FHIT: variants seen among roughly 807,000 people sequenced by gnomAD.
FHIT encodes the protein bis(5'-adenosyl)-triphosphatase.
A neutral mutation model predicts 17.9 loss-of-function variants in FHIT; 19 were observed. The ratio of observed to expected loss-of-function variants is 1.06; its 90% CI spans 0.74 to 1.56. The LOEUF is 1.56. FHIT is among the 40% of genes most tolerant of loss of function. The pLI is 0.00. For missense variants in FHIT, 248 were observed against 189.2 expected (o/e 1.31, Z -1.82); for synonymous variants, 81 against 69.7 (o/e 1.16, Z -0.81).
chr3:60,377,498 G>C (rs111761973), intron 5 of FHIT, among the ~76,000 whole-genome samples: 1 of 79,632 alleles, frequency 1.3e-5, no homozygotes, highest in African/African-American at 5.0e-5. Flanking sequence ...TTTTTGAGAC[G>C]GAGTCTCGCT....
rs553777254 is a variant in FHIT at position 59,983,976 on chromosome 3, G to A, written c.279+27395C>T. Among the ~76,000 whole-genome samples, 7 of 152,120 alleles carry A rather than the reference G, an allele frequency of 4.6e-5. No homozygotes were observed. The South Asian group carries it at 1.0e-3, about 23-fold the overall frequency. ...GATAGGGCAAAGAACATATATTTAC[G>A]AATTATAACCAAGTCTAAATTGTAT... On this transcript the variant is annotated intron_variant, in intron 7 of 9. Coordinates refer to ENST00000492590, the MANE Select transcript of FHIT (RefSeq NM_002012.4).
At chr3:59,787,166 C>A (rs1226035564) in intron 8 of FHIT, among the ~76,000 whole-genome samples, 1 of 152,124 alleles carries the variant, frequency 6.6e-6, no homozygotes, top group East Asian at 1.9e-4. Context: ...TGTTGAAAAA[C>A]TGAGAGTCAG....
intron 5 of FHIT, among the ~76,000 whole-genome samples, chr3:60,041,430 T>C (rs1336382332): frequency 6.6e-6 from 1 of 152,208 alleles, no homozygotes; most frequent in Non-Finnish European, 1.5e-5. Flanking sequence ...AGTATAGCAA[T>C]GCCCTGAATA....
chr3:60,568,905 C>T (rs190823157), intron 4 of FHIT, among the ~76,000 whole-genome samples: 1 of 151,960 alleles, frequency 6.6e-6, no homozygotes, highest in South Asian at 2.1e-4. Flanking sequence ...AGTCACCATA[C>T]CATTTTGGGG....
intron 3 of FHIT, among the ~76,000 whole-genome samples, chr3:60,842,647 T>TATATATATATATATATATA (rs1406123749): frequency 6.5e-5 from 6 of 92,488 alleles, no homozygotes; most frequent in African/African-American, 2.3e-4. Flanking sequence ...ATATATATAT[T>TATATATATATATATATATA]TTTTTTTTTT....
intron 4 of FHIT, among the ~76,000 whole-genome samples, chr3:60,801,191 C>T (rs922949438): frequency 1.4e-4 from 22 of 152,148 alleles, no homozygotes; most frequent in African/African-American, 5.3e-4. Flanking sequence ...ATTATTTATC[C>T]ACCAACTCCC....
At chr3:60,719,103 C>T (rs986133077) in intron 4 of FHIT, among the ~76,000 whole-genome samples, 1 of 152,184 alleles carries the variant, frequency 6.6e-6, no homozygotes. Context: ...CTTAGCCTCT[C>T]TCCATTGGCC....
chr3:60,773,440 A>G (rs935727205), intron 4 of FHIT, among the ~76,000 whole-genome samples: 3 of 152,186 alleles, frequency 2.0e-5, no homozygotes, highest in African/African-American at 4.8e-5. Context: ...TTCCTTGTTC[A>G]TTGCATTAGT....
chr3:60,476,617 T>G (rs1364461632), intron 5 of FHIT, among the ~76,000 whole-genome samples: 1 of 152,102 alleles, frequency 6.6e-6, no homozygotes, highest in Non-Finnish European at 1.5e-5. Flanking sequence ...GGAGGGGTAT[T>G]CAAGGAGAGG....
At chr3:60,955,234 A>C (rs1709059077) in intron 3 of FHIT, among the ~76,000 whole-genome samples, 1 of 152,116 alleles carries the variant, frequency 6.6e-6, no homozygotes. Flanking sequence ...AGTGAAAAGG[A>C]AGGAACTACG....
At chr3:60,785,224 T>C (rs958248151) in intron 4 of FHIT, among the ~76,000 whole-genome samples, 9 of 152,220 alleles carry the variant, frequency 5.9e-5, no homozygotes, top group Non-Finnish European at 1.3e-4. Flanking sequence ...GACAGAGTTA[T>C]AGTCCAGAGG....
intron 8 of FHIT, among the ~76,000 whole-genome samples, chr3:59,763,048 G>A (rs770393545): frequency 3.3e-5 from 5 of 152,026 alleles, no homozygotes; most frequent in Non-Finnish European, 5.9e-5. Flanking sequence ...TTTCCCCCCC[G>A]CCGGTGTTTC....
rs764398927 is a variant in FHIT at position 60,500,522 on chromosome 3, C to A, written c.103+36338G>T. On this transcript the variant is annotated intron_variant, in intron 5 of 9. Coordinates refer to ENST00000492590, the MANE Select transcript of FHIT (RefSeq NM_002012.4). ...CGGTGGCTCACGCCTGTAATCCCAG[C>A]ACTTTAGGAGGCCAAGGTGGGTGGA... is the stretch of plus-strand genomic sequence containing the variant. 3.3e-5 allele frequency among the ~76,000 whole-genome samples: 5 copies of A among 152,076 alleles called. No individual in the cohort carries two copies. In the East Asian group the frequency reaches 9.7e-4, roughly 29 times the overall value.
Position 59,804,185 on chromosome 3 carries a change from T to C in FHIT, c.349-51864A>G, listed in dbSNP as rs141572722. On this transcript the variant is annotated intron_variant, in intron 8 of 9. Coordinates refer to ENST00000492590, the MANE Select transcript of FHIT (RefSeq NM_002012.4). Reference sequence around the variant, plus strand: ...TTGTCTCTGGTTCATTTGAGGAGAGTAGGAAATTATGAAACCCACAAGAAG... The same window carrying C: ...TTGTCTCTGGTTCATTTGAGGAGAGCAGGAAATTATGAAACCCACAAGAAG... 4.1e-3 allele frequency among the ~76,000 whole-genome samples: 622 copies of C among 151,918 alleles called. 4 individuals are homozygous for C. Among genetic ancestry groups the C allele is most frequent in the African/African-American group, 0.014 (587 of 41,420 alleles).
At chr3:60,237,071 T>C (rs1489845843) in intron 5 of FHIT, among the ~76,000 whole-genome samples, 3 of 152,160 alleles carry the variant, frequency 2.0e-5, no homozygotes, top group Non-Finnish European at 4.4e-5. Context: ...CCATGGTGAC[T>C]AAAATATATT....
At chr3:60,733,417 T>A (rs969097914) in intron 4 of FHIT, among the ~76,000 whole-genome samples, 13 of 152,218 alleles carry the variant, frequency 8.5e-5, no homozygotes, top group Non-Finnish European at 4.4e-5. Flanking sequence ...CACATCTGGT[T>A]TTTTATTTGT....
intron 5 of FHIT, among the ~76,000 whole-genome samples, chr3:60,428,484 G>C (rs998878471): frequency 6.6e-6 from 1 of 151,964 alleles, no homozygotes; most frequent in African/African-American, 2.4e-5. Context: ...ATCAGAGCAC[G>C]TTTTGAGTCT....
intron 5 of FHIT, among the ~76,000 whole-genome samples, chr3:60,025,497 ACT>A (rs1258358514): frequency 6.6e-6 from 1 of 151,584 alleles, no homozygotes; most frequent in Non-Finnish European, 1.5e-5. Flanking sequence ...AAAGAAGTTC[ACT>A]CTGTCTGAGC....
At chr3:59,816,160 G>A (rs983649466) in intron 8 of FHIT, among the ~76,000 whole-genome samples, 1 of 152,214 alleles carries the variant, frequency 6.6e-6, no homozygotes, top group Admixed American at 6.5e-5. Context: ...CTGTGAGACT[G>A]TGGGCAAGCT....
Sources: gnomAD v4.1 joint callset for allele counts (sites outside exome capture counted in the v4.1 genomes callset) on GRCh38, gnomAD v4.1.1 for gene constraint, MANE v1.5 for transcripts, NCBI Gene and HGNC (gene_info 2026-07-23, HGNC 2026-07-21) for gene names.